FGD6: variants seen among roughly 807,000 people sequenced by gnomAD.
FGD6 encodes the protein FYVE, RhoGEF and PH domain containing 6, also known as FYVE, RhoGEF and PH domain-containing protein 6.
FGD6 carries 90 observed loss-of-function variants against 149.4 expected under a neutral mutation model. That is an observed-to-expected ratio of 0.60 (90% CI 0.51 to 0.72). FGD6 has a LOEUF of 0.72. Ranked by LOEUF, FGD6 falls within the 30% of genes least tolerant of loss-of-function variation. The pLI is 0.00. For missense variants in FGD6, 1,437 were observed against 1,684.8 expected, an observed-to-expected ratio of 0.85 and a Z score of 2.57; for synonymous variants, 527 against 584.0, an observed-to-expected ratio of 0.90 and a Z score of 1.41.
intron 7 of FGD6, among the ~76,000 whole-genome samples, chr12:95,136,105 A>G (rs1216456950): frequency 6.6e-6 from 1 of 152,186 alleles, no homozygotes; most frequent in Non-Finnish European, 1.5e-5. Flanking sequence ...CACTCTTGTA[A>G]TCCCAGCACT....
intron 8 of FGD6, among the ~76,000 whole-genome samples, chr12:95,124,481 T>A (rs768212347): frequency 3.3e-5 from 5 of 152,202 alleles, no homozygotes; most frequent in Non-Finnish European, 7.3e-5. Context: ...TTTCTCCAAC[T>A]GAAACAGGTC....
At chr12:95,151,888 T>C (rs891900852) in intron 5 of FGD6, among the ~76,000 whole-genome samples, 20 of 152,134 alleles carry the variant, frequency 1.3e-4, no homozygotes, top group Admixed American at 6.6e-4. Flanking sequence ...CTAAATATAA[T>C]TGAAATAAAG....
At chr12:95,203,490 C>T (rs1182622474) in intron 2 of FGD6, among the ~76,000 whole-genome samples, 1 of 152,194 alleles carries the variant, frequency 6.6e-6, no homozygotes, top group Non-Finnish European at 1.5e-5. Flanking sequence ...TTAAAAAAGA[C>T]TTGGTTCAAG....
At chr12:95,200,370 C>A (rs2136298766) in intron 2 of FGD6, among the ~76,000 whole-genome samples, 1 of 152,282 alleles carries the variant, frequency 6.6e-6, no homozygotes, top group South Asian at 2.1e-4. Context: ...TATTATTTCA[C>A]CTTTCCTGCA....
chr12:95,100,053 GATCC>G (rs1878368052), intron 14 of FGD6, among the ~76,000 whole-genome samples: 1 of 29,628 alleles, frequency 3.4e-5, no homozygotes, highest in East Asian at 2.5e-3. Context: ...TAACTTTTCT[GATCC>G]CCCCCCCCCC....
intron 2 of FGD6, among the ~76,000 whole-genome samples, chr12:95,201,492 A>T (rs1042723348): frequency 6.6e-6 from 1 of 152,060 alleles, no homozygotes; most frequent in African/African-American, 2.4e-5. Context: ...AGCAACCCCC[A>T]CTCAGTTATG....
At chr12:95,161,796 T>C (rs549787103) in intron 3 of FGD6, among the ~76,000 whole-genome samples, 139 of 152,248 alleles carry the variant, frequency 9.1e-4, no homozygotes, top group African/African-American at 3.2e-3. Flanking sequence ...TGTCATTTGA[T>C]AGCAAAGTTA....
Position 95,209,125 on chromosome 12 carries a change from T to C in FGD6, c.2159A>G (p.Glu720Gly). 1 of 1,614,200 alleles carries C rather than the reference T, an allele frequency of 6.2e-7. No homozygotes were observed. ...QTSAANGLRA[E>G]SLDDQMLSRE... ...GGAGAGCATTTGGTCATCCAAAGAC[T>C]CAGCTCTCAGACCATTAGCTGCACT... Residue 720 changes from glutamate to glycine, a missense_variant, in exon 2 of 21, where the codon GAG becomes GGG. Physicochemically the swap from Glu to Gly is moderately conservative, Grantham distance 98. This residue lies in a region of FGD6 where 1,055 missense variants were observed against 1,146.0 expected (regional missense o/e 0.92). Transcript: ENST00000343958.
Position 95,085,912 on chromosome 12 carries a change from G to C in FGD6, c.3979-4C>G. 1 of 1,595,142 alleles carries C rather than the reference G, an allele frequency of 6.3e-7. No homozygotes were observed. Among genetic ancestry groups the C allele is most frequent in the Non-Finnish European group, 8.5e-7 (1 of 1,175,116 alleles). On this transcript the variant is annotated splice_region_variant and splice_polypyrimidine_tract_variant and intron_variant, in intron 18 of 20. Coordinates refer to ENST00000343958, the MANE Select transcript of FGD6 (RefSeq NM_018351.4). Reference sequence around the variant, plus strand: ...AATCCTCTGTGTTTGCTGATACCTAGATAAGAAACCCCATACAAAGTTTAA... The same window carrying C: ...AATCCTCTGTGTTTGCTGATACCTACATAAGAAACCCCATACAAAGTTTAA...
intron 9 of FGD6, among the ~76,000 whole-genome samples, chr12:95,110,360 A>AT (rs1432697426): frequency 4.0e-5 from 3 of 74,234 alleles, no homozygotes; most frequent in East Asian, 9.7e-4. Flanking sequence ...TATATATCAG[A>AT]ATTTTTTTTT....
chr12:95,102,073 A>AG (rs140185646), intron 14 of FGD6, among the ~76,000 whole-genome samples: 4 of 60,412 alleles, frequency 6.6e-5, no homozygotes, highest in African/African-American at 3.0e-4. Flanking sequence ...TGGGAGGCTG[A>AG]GTGGGGGTGG....
chr12:95,110,055 C>A (rs569749677), intron 9 of FGD6, among the ~76,000 whole-genome samples: 2 of 151,424 alleles, frequency 1.3e-5, no homozygotes, highest in Non-Finnish European at 2.9e-5. Context: ...TGGCTCACTG[C>A]AAGCTCCACC....
chr12:95,174,654 C>T (rs934933007), intron 2 of FGD6, among the ~76,000 whole-genome samples: 1 of 152,236 alleles, frequency 6.6e-6, no homozygotes. Flanking sequence ...TTTGGCCAGG[C>T]GCGGTGGCTC....
At chr12:95,141,616 C>T in intron 5 of FGD6, 77 bp from the exon 6 acceptor site, 1 of 1,513,976 alleles carries the variant, frequency 6.6e-7, no homozygotes, top group Non-Finnish European at 9.1e-7. Context: ...AGTCCCCCTC[C>T]TCCCTAAAAT....
At chr12:95,171,363 A>T (rs142884767) in intron 3 of FGD6, among the ~76,000 whole-genome samples, 68 of 152,262 alleles carry the variant, frequency 4.5e-4, no homozygotes, top group African/African-American at 1.5e-3. Context: ...TGCTATGTGG[A>T]TCTTTTCAAA....
At chr12:95,167,511 A>T (rs1880855513) in intron 3 of FGD6, among the ~76,000 whole-genome samples, 1 of 151,148 alleles carries the variant, frequency 6.6e-6, no homozygotes, top group Non-Finnish European at 1.5e-5. Context: ...TTTATTGGCC[A>T]CTGTATATCT....
Position 95,209,386 on chromosome 12 carries a change from A to C in FGD6, c.1898T>G (p.Met633Arg), listed in dbSNP as rs1190908179. The change falls in exon 2 of 21, where the codon ATG (methionine) becomes AGG (arginine). Residue 633 changes from methionine (M) to arginine (R), a missense_variant. By Grantham distance (91) the Met-to-Arg change is moderately conservative. Coordinates refer to ENST00000343958, the MANE Select transcript of FGD6 (RefSeq NM_018351.4). ...KKNSFKKLLS[M>R]KLSICFMKSD... Reference sequence around the variant, plus strand: ...CTTCATGAAACAGATGGACAGTTTCATGCTGAGCAACTTTTTAAAAGAGTT... The same window carrying C: ...CTTCATGAAACAGATGGACAGTTTCCTGCTGAGCAACTTTTTAAAAGAGTT... The C allele has an allele frequency of 6.2e-7, 1 of 1,613,386 alleles. No individual in the cohort carries two copies. Among genetic ancestry groups the C allele is most frequent in the South Asian group, 1.1e-5 (1 of 90,982 alleles).
chr12:95,116,986 G>A (rs1879037023), intron 8 of FGD6: 1 of 450,316 alleles, frequency 2.2e-6, no homozygotes, highest in African/African-American at 2.0e-5. Context: ...TATAACCCAG[G>A]TGAAACCCAG....
intron 8 of FGD6, among the ~76,000 whole-genome samples, chr12:95,133,488 A>C (rs938049230): frequency 6.6e-6 from 1 of 152,172 alleles, no homozygotes; most frequent in Non-Finnish European, 1.5e-5. Context: ...AAATGAGGAA[A>C]TCCTGGTTTT....
Sources: gnomAD v4.1 joint callset for allele counts (sites outside exome capture counted in the v4.1 genomes callset) on GRCh38, gnomAD v4.1.1 for gene constraint, gnomAD v4.1.1 regional missense constraint, MANE v1.5 for transcripts, NCBI Gene and HGNC (gene_info 2026-07-23, HGNC 2026-07-21) for gene names.